Variants in TTBK2 observed in about 807,000 individuals in gnomAD.
The protein encoded by TTBK2 is tau-tubulin kinase 2.
In TTBK2, 28 loss-of-function variants were observed where a neutral mutation model predicts 110.8. The observed-to-expected ratio is 0.25, with a 90% confidence interval of 0.19 to 0.35. TTBK2 has a LOEUF of 0.35. TTBK2 is among the 10% of genes least tolerant of loss of function. The probability of loss-of-function intolerance (pLI) is 1.00; values close to 1 mark genes in which losing one functional copy is unlikely to be tolerated. For synonymous variants in TTBK2, 532 were observed against 527.3 expected (o/e 1.01, Z -0.12); for missense variants, 1,369 against 1,500.3 (o/e 0.91, Z 1.45).
At chr15:42,778,492 C>T (rs1890032757) in intron 11 of TTBK2, among the ~76,000 whole-genome samples, 1 of 151,946 alleles carries the variant, frequency 6.6e-6, no homozygotes, top group Non-Finnish European at 1.5e-5. Flanking sequence ...AGTAAAACCC[C>T]ATCTCTACTA....
intron 1 of TTBK2, among the ~76,000 whole-genome samples, chr15:42,894,407 G>T (rs1895585434): frequency 6.6e-6 from 1 of 151,944 alleles, no homozygotes; most frequent in South Asian, 2.1e-4. Context: ...AAAAGAAGAG[G>T]AAAAAACACT....
At chr15:42,888,450 C>A (rs530465617) in intron 1 of TTBK2, among the ~76,000 whole-genome samples, 3 of 152,192 alleles carry the variant, frequency 2.0e-5, no homozygotes, top group Non-Finnish European at 4.4e-5. Context: ...CCAGAACACA[C>A]TTGGTTTATC....
At chr15:42,920,225 G>A (rs896596051) in intron 1 of TTBK2, among the ~76,000 whole-genome samples, 2 of 152,198 alleles carry the variant, frequency 1.3e-5, no homozygotes, top group African/African-American at 2.4e-5. Context: ...AAAACGAGGC[G>A]GCAGCCTTCG....
chr15:42,810,733 C>A lies in TTBK2; in HGVS notation c.703G>T (p.Val235Leu). Residue 235 changes from valine to leucine, a missense_variant, in exon 9 of 15, where the codon GTA (valine) becomes TTA (leucine). By Grantham distance (32) the Val-to-Leu change is conservative. Around this residue, in one of 4 missense-constraint regions of TTBK2, gnomAD observed 138 missense variants for 179.0 expected, o/e 0.77. Coordinates refer to ENST00000267890, the MANE Select transcript of TTBK2 (RefSeq NM_173500.4). ...PWRKIKDKEQ[V>L]GSIKERYDHR... ...TCATATCTCTCCTTAATAGAGCCTACTTGCTCCTGGGAAGTAAAGAGAAAA... is the reference window on the plus strand; with the variant it reads ...TCATATCTCTCCTTAATAGAGCCTAATTGCTCCTGGGAAGTAAAGAGAAAA... 1 of 1,613,574 alleles carries A rather than the reference C, an allele frequency of 6.2e-7. No individual in the cohort carries two copies. Among genetic ancestry groups the A allele is most frequent in the Non-Finnish European group, 8.5e-7 (1 of 1,179,856 alleles).
At chr15:42,896,605 A>G (rs1023896808) in intron 1 of TTBK2, among the ~76,000 whole-genome samples, 4 of 151,996 alleles carry the variant, frequency 2.6e-5, no homozygotes, top group African/African-American at 9.7e-5. Context: ...TAAGCAACAT[A>G]GCAAGACCCC....
intron 13 of TTBK2, among the ~76,000 whole-genome samples, chr15:42,765,968 C>T (rs572847226): frequency 1.7e-4 from 26 of 152,306 alleles, no homozygotes; most frequent in Non-Finnish European, 3.2e-4. Flanking sequence ...CAATATTCAA[C>T]ATTCTTAAAG....
intron 1 of TTBK2, among the ~76,000 whole-genome samples, chr15:42,906,065 G>A (rs1440173329): frequency 5.3e-5 from 8 of 152,142 alleles, no homozygotes; most frequent in African/African-American, 1.9e-4. Flanking sequence ...GTGCATGCCT[G>A]TAATCCCAGC....
chr15:42,783,697 C>A, intron 10 of TTBK2, 62 bp from the exon 11 acceptor site: 19 of 1,104,970 alleles, frequency 1.7e-5, no homozygotes, highest in Non-Finnish European at 2.5e-5. Context: ...TATCTTACAT[C>A]ATTTTATTTC....
chr15:42,769,142 T>G (rs1284412221), intron 13 of TTBK2, among the ~76,000 whole-genome samples: 3 of 152,176 alleles, frequency 2.0e-5, no homozygotes, highest in African/African-American at 7.2e-5. Flanking sequence ...ATGTTAGACC[T>G]AAAACCATAA....
rs563287659 is a variant in TTBK2, at chr15:42,870,750, A to G, written c.217+1861T>C. On this transcript the variant is annotated intron_variant, in intron 3 of 14. Coordinates refer to ENST00000267890, the MANE Select transcript of TTBK2 (RefSeq NM_173500.4). The stretch of plus-strand genomic sequence containing the variant: ...GTGGTGTATGCCTGTAGTCCCAGCT[A>G]CTCAGGAGGCTGAGGCAGGAGAATC... Among the ~76,000 whole-genome samples the G allele has an allele frequency of 2.6e-4, 40 of 151,368 alleles. No homozygotes were observed. The South Asian group carries it at 8.0e-3, about 30-fold the overall frequency.
rs765790629 is a variant in TTBK2, at chr15:42,801,017, G to T, written c.823-6216C>A. 3 of 764,944 alleles carry T rather than the reference G, an allele frequency of 3.9e-6. No individual in the cohort carries two copies. In the South Asian group the frequency reaches 4.0e-5, roughly 10 times the overall value. 47.4% of individuals were successfully genotyped at this position (764,944 alleles called of 1,614,324 possible). A position where few individuals can be genotyped will look rare whatever the true frequency, so the allele number is the denominator to read the frequency against. The stretch of plus-strand genomic sequence containing the variant: ...ACACTAGCTTCCCATCACGGGTTTC[G>T]ATCTTCTTCATGACCACGGCCCTGG... On this transcript the variant is annotated intron_variant, in intron 9 of 14. Transcript: ENST00000267890.
intron 4 of TTBK2, among the ~76,000 whole-genome samples, chr15:42,832,939 T>A (rs1260547856): frequency 6.6e-6 from 1 of 152,022 alleles, no homozygotes; most frequent in Non-Finnish European, 1.5e-5. Flanking sequence ...AATAGTTACA[T>A]AAATAATAGT....
intron 2 of TTBK2, among the ~76,000 whole-genome samples, 171 bp from the exon 3 acceptor site, chr15:42,872,929 A>C (rs1894671449): frequency 6.6e-6 from 1 of 152,206 alleles, no homozygotes; most frequent in Non-Finnish European, 1.5e-5. Flanking sequence ...CATATGCCTG[A>C]AAATAACATC....
In TTBK2 at chr15:42,840,271, A is replaced by T. The variant is rs1595971413; in HGVS notation, c.291+89T>A. 29 of 1,123,908 alleles carry T rather than the reference A, an allele frequency of 2.6e-5. No individual in the cohort carries two copies. In the South Asian group the frequency reaches 3.6e-4, roughly 14 times the overall value. 69.6% of individuals were successfully genotyped at this position (1,123,908 alleles called of 1,614,324 possible). On this transcript the variant is annotated intron_variant, in intron 4 of 14. Coordinates refer to ENST00000267890, the MANE Select transcript of TTBK2 (RefSeq NM_173500.4). ...TAAAACATTCTCACATGGTACTAAGATTGTTGTTACTTTTTATTCATATTC... is the reference window on the plus strand; with the variant it reads ...TAAAACATTCTCACATGGTACTAAGTTTGTTGTTACTTTTTATTCATATTC...
At chr15:42,766,084 C>A (rs1418761697) in intron 13 of TTBK2, among the ~76,000 whole-genome samples, 1 of 152,074 alleles carries the variant, frequency 6.6e-6, no homozygotes, top group Non-Finnish European at 1.5e-5. Flanking sequence ...GATTTTGTCA[C>A]CTCCAGGCCT....
At chr15:42,823,939 A>G (rs1189941917) in intron 6 of TTBK2, among the ~76,000 whole-genome samples, 1 of 152,132 alleles carries the variant, frequency 6.6e-6, no homozygotes, top group Admixed American at 6.6e-5. Flanking sequence ...GAAACATGGC[A>G]CCAGCATCTG....
At chr15:42,816,929 CAT>C (rs140189140) in intron 7 of TTBK2, 101 bp downstream of exon 7, 2,090 of 425,484 alleles carry the variant, frequency 4.9e-3, no homozygotes, top group East Asian at 7.4e-3. Context: ...AACAAATATA[CAT>C]ATATATATAT....
chr15:42,875,452 A>G (rs1275768886), intron 2 of TTBK2, among the ~76,000 whole-genome samples: 1 of 152,014 alleles, frequency 6.6e-6, no homozygotes, highest in Non-Finnish European at 1.5e-5. Flanking sequence ...AAACAATGTG[A>G]CCTTGCTACT....
At chr15:42,832,588 G>A (rs1892804435) in intron 4 of TTBK2, among the ~76,000 whole-genome samples, 1 of 152,128 alleles carries the variant, frequency 6.6e-6, no homozygotes. Flanking sequence ...CTTTATCCAT[G>A]GTTTTACTTT....
Sources: gnomAD v4.1 joint callset for allele counts (sites outside exome capture counted in the v4.1 genomes callset) on GRCh38, gnomAD v4.1.1 for gene constraint, gnomAD v4.1.1 regional missense constraint, MANE v1.5 for transcripts, NCBI Gene and HGNC (gene_info 2026-07-23, HGNC 2026-07-21) for gene names.